Variants in ABLIM1 observed in about 807,000 individuals in gnomAD.
ABLIM1 encodes the protein actin-binding LIM protein 1.
A neutral mutation model predicts 107.0 loss-of-function variants in ABLIM1; 40 were observed. That is an observed-to-expected ratio of 0.37 (90% CI 0.29 to 0.49). ABLIM1 has a LOEUF of 0.49. ABLIM1 is among the 20% of genes least tolerant of loss of function. The pLI is 0.97. For missense variants in ABLIM1, 857 were observed against 1,008.5 expected (o/e 0.85, Z 2.04); for synonymous variants, 357 against 357.3 (o/e 1.00, Z 0.01).
chr10:114,591,941 T>A (rs752949489), intron 2 of ABLIM1, among the ~76,000 whole-genome samples: 13 of 152,176 alleles, frequency 8.5e-5, no homozygotes, highest in Non-Finnish European at 1.9e-4. Flanking sequence ...ATTTGAAACT[T>A]TTGGATTGGG....
At chr10:114,565,788 C>CTTTTTTTTTTTTTTTTT (rs577896964) in intron 4 of ABLIM1, among the ~76,000 whole-genome samples, 2 of 101,072 alleles carry the variant, frequency 2.0e-5, no homozygotes, top group Non-Finnish European at 3.9e-5. Context: ...GAAATGATTT[C>CTTTTTTTTTTTTTTTTT]TTTTTTTTTT....
the ABLIM1 span, among the ~76,000 whole-genome samples, chr10:114,774,460 C>A: frequency 6.6e-6 from 1 of 151,094 alleles, no homozygotes; most frequent in Non-Finnish European, 1.5e-5. Flanking sequence ...GGATAAGTGC[C>A]CAGAGGAAAC....
intron 12 of ABLIM1, among the ~76,000 whole-genome samples, chr10:114,457,396 A>G (rs1370592190): frequency 1.3e-5 from 2 of 151,988 alleles, no homozygotes; most frequent in Non-Finnish European, 2.9e-5. Context: ...CAGCCTCCCA[A>G]GTAGCTGGGA....
chr10:114,599,992 C>T (rs1425883088), intron 2 of ABLIM1, among the ~76,000 whole-genome samples: 3 of 152,050 alleles, frequency 2.0e-5, no homozygotes, highest in Non-Finnish European at 4.4e-5. Flanking sequence ...TTTTCTCTGA[C>T]ATACCCCCTA....
chr10:114,669,335 A>G (rs2080156632), intron 1 of ABLIM1, among the ~76,000 whole-genome samples: 1 of 152,184 alleles, frequency 6.6e-6, no homozygotes, highest in African/African-American at 2.4e-5. Flanking sequence ...AACAAAACAA[A>G]CAGCACTCAC....
intron 1 of ABLIM1, among the ~76,000 whole-genome samples, chr10:114,626,997 C>T (rs2077853491): frequency 6.6e-6 from 1 of 152,154 alleles, no homozygotes; most frequent in South Asian, 2.1e-4. Flanking sequence ...TCAGAAGGAA[C>T]CATCTCAGCC....
the ABLIM1 span, among the ~76,000 whole-genome samples, chr10:114,775,133 G>A: frequency 8.6e-5 from 13 of 151,970 alleles, no homozygotes; most frequent in Admixed American, 2.6e-4. Context: ...ATGCAAGCAG[G>A]GGAAATGCCA....
chr10:114,604,662 T>A (rs1208090051), intron 1 of ABLIM1, among the ~76,000 whole-genome samples: 1 of 152,218 alleles, frequency 6.6e-6, no homozygotes, highest in African/African-American at 2.4e-5. Context: ...ACAATATGAA[T>A]ACGCCAGCTA....
At chr10:114,447,350 C>A (rs2061163796) in intron 15 of ABLIM1, among the ~76,000 whole-genome samples, 1 of 152,198 alleles carries the variant, frequency 6.6e-6, no homozygotes, top group South Asian at 2.1e-4. Flanking sequence ...ACACCTACTA[C>A]TCTGCAATAG....
intron 2 of ABLIM1, among the ~76,000 whole-genome samples, chr10:114,590,741 G>T (rs565322310): frequency 5.3e-5 from 8 of 152,242 alleles, no homozygotes; most frequent in Non-Finnish European, 1.0e-4. Flanking sequence ...GGACATTGGG[G>T]ACCTACAGGG....
Position 114,619,670 on chromosome 10 carries a change from G to A in ABLIM1, c.245-17709C>T, listed in dbSNP as rs1339597889. 2.0e-5 allele frequency among the ~76,000 whole-genome samples: 3 copies of A among 152,172 alleles called. No individual in the cohort carries two copies. Among genetic ancestry groups the A allele is most frequent in the Admixed American group, 6.5e-5 (1 of 15,274 alleles). ...CTCCCTGGCTGTGATACAAAAGCAA[G>A]GAAACAAGGTAAGCGTGGTGAACAC... is the stretch of plus-strand genomic sequence containing the variant. On this transcript the variant is annotated intron_variant, in intron 1 of 22. Coordinates refer to ENST00000533213, the MANE Select transcript of ABLIM1 (RefSeq NM_002313.7). This position sits in a 1 kb window ranked among gnomAD's most constrained non-coding sequence, Gnocchi z 4.1.
intron 1 of ABLIM1, among the ~76,000 whole-genome samples, chr10:114,725,938 G>A (rs2081950078): frequency 6.6e-6 from 1 of 151,926 alleles, no homozygotes; most frequent in Admixed American, 6.6e-5. Context: ...TGTAGAGATG[G>A]GGTCTCGCTA....
At position 114,563,430 on chromosome 10, in the gene ABLIM1, G is replaced by A. The variant is rs937890460; in HGVS notation, c.673+7867C>T. 2.0e-5 allele frequency among the ~76,000 whole-genome samples: 3 copies of A among 152,238 alleles called. No individual in the cohort carries two copies. In the East Asian group the frequency reaches 5.8e-4, roughly 29 times the overall value. On this transcript the variant is annotated intron_variant, in intron 4 of 22. Coordinates refer to ENST00000533213, the MANE Select transcript of ABLIM1 (RefSeq NM_002313.7). ...CTGTCCGTGAGTTTTCATTTTCTTG[G>A]TAGTGGACGTGGGCACGCATGTAAA...
intron 8 of ABLIM1, 116 bp from the exon 9 acceptor site, chr10:114,474,072 C>T: frequency 1.4e-6 from 1 of 692,004 alleles, no homozygotes. Context: ...ACACTTATCA[C>T]CTTTTTGAAT....
At chr10:114,512,577 C>A (rs2062030989) in intron 6 of ABLIM1, among the ~76,000 whole-genome samples, 1 of 132,340 alleles carries the variant, frequency 7.6e-6, no homozygotes, top group African/African-American at 2.4e-5. Flanking sequence ...GTAATCCCAG[C>A]ACTTTAGGAG....
At position 114,572,465 on chromosome 10, in the gene ABLIM1, G is replaced by A. The variant is rs538067477; in HGVS notation, c.564-1059C>T. 6.7e-4 allele frequency among the ~76,000 whole-genome samples: 102 copies of A among 152,316 alleles called. 1 individual carries two copies. The highest frequency in any genetic ancestry group is 4.9e-4 in the Non-Finnish European group (33 of 68,026). The stretch of plus-strand genomic sequence containing the variant: ...AACCCCACAAATGTGGCTGGCTCCA[G>A]TCATCACAGAGAGTTTTAAATTCTT... On this transcript the variant is annotated intron_variant, in intron 3 of 22. Transcript: ENST00000533213.
chr10:114,675,941 A>T (rs2080462308), intron 1 of ABLIM1, among the ~76,000 whole-genome samples: 1 of 152,028 alleles, frequency 6.6e-6, no homozygotes, highest in East Asian at 1.9e-4. Flanking sequence ...CTGCATCCAA[A>T]TTTCCCTTTT....
intron 4 of ABLIM1, among the ~76,000 whole-genome samples, chr10:114,562,942 G>A (rs755612775): frequency 3.1e-4 from 47 of 152,276 alleles, no homozygotes; most frequent in South Asian, 1.5e-3. Flanking sequence ...GAGGTAACAG[G>A]GCTATATGGT....
At chr10:114,800,456 G>A in the ABLIM1 span, among the ~76,000 whole-genome samples, 1 of 152,116 alleles carries the variant, frequency 6.6e-6, no homozygotes, top group Non-Finnish European at 1.5e-5. Flanking sequence ...GTAAATTAAG[G>A]GGAAATGGTA....
Sources: allele counts gnomAD v4.1 joint callset (sites outside exome capture counted in the v4.1 genomes callset), GRCh38; gene constraint gnomAD v4.1.1; non-coding constraint Gnocchi (gnomAD v3.1); transcripts MANE v1.5; gene names NCBI Gene and HGNC (gene_info 2026-07-23, HGNC 2026-07-21).